The following FAM153A variants were observed in gnomAD, a reference collection of about 807,000 sequenced individuals.
The protein encoded by FAM153A is family with sequence similarity 153 member A, also known as protein FAM153A.
A neutral mutation model predicts 48.1 loss-of-function variants in FAM153A; 12 were observed. That is an observed-to-expected ratio of 0.25 (90% CI 0.16 to 0.40). The LOEUF (loss-of-function observed/expected upper bound fraction) is 0.40, where lower values mean the gene tolerates loss of function less well. Ranked by LOEUF, FAM153A falls within the 10% of genes least tolerant of loss-of-function variation. The probability of loss-of-function intolerance (pLI) is 1.00; values close to 1 mark genes in which losing one functional copy is unlikely to be tolerated. For synonymous variants in FAM153A, 36 were observed against 118.2 expected (o/e 0.30, Z 4.51); for missense variants, 111 against 345.8 (o/e 0.32, Z 5.38).
At chr5:177,752,932 C>CA (rs374466697) in intron 1 of FAM153A, among the ~76,000 whole-genome samples, 38,020 of 97,030 alleles carry the variant, frequency 0.39, 5,630 homozygotes, top group East Asian at 0.45. Context: ...TTCACTCTTC[C>CA]AAAAAAAAAA....
chr5:177,738,192 C>T (rs1386976581), intron 10 of FAM153A, among the ~76,000 whole-genome samples: 1 of 151,356 alleles, frequency 6.6e-6, no homozygotes, highest in Non-Finnish European at 1.5e-5. Flanking sequence ...CTTCGGTTCT[C>T]ATTTGGTGCT....
At chr5:177,733,344 G>A (rs929739254) in intron 14 of FAM153A, among the ~76,000 whole-genome samples, 2 of 144,300 alleles carry the variant, frequency 1.4e-5, no homozygotes, top group African/African-American at 5.1e-5. Flanking sequence ...TGCTAGGAAG[G>A]CAAGTGCTCG....
At chr5:177,738,886 C>T (rs1375788029) in intron 10 of FAM153A, among the ~76,000 whole-genome samples, 1 of 151,382 alleles carries the variant, frequency 6.6e-6, no homozygotes, top group Admixed American at 6.6e-5. Flanking sequence ...ACCCGCCCCC[C>T]ACCTTGATGC....
upstream of FAM153A, among the ~76,000 whole-genome samples, chr5:177,755,528 A>G (rs1251218303): frequency 1.3e-4 from 20 of 151,744 alleles, no homozygotes; most frequent in Non-Finnish European, 2.2e-4. Context: ...CAAGACACAT[A>G]ATTGTCAGAT....
At chr5:177,707,290 A>C (rs531148826), downstream of FAM153A, among the ~76,000 whole-genome samples, 24 of 152,062 alleles carry the variant, frequency 1.6e-4, 1 homozygote, top group Admixed American at 1.6e-3. Context: ...TAGGCCACAA[A>C]ACAAATCTCA....
At chr5:177,697,464 A>G in the FAM153A span, among the ~76,000 whole-genome samples, 1 of 151,490 alleles carries the variant, frequency 6.6e-6, no homozygotes, top group Non-Finnish European at 1.5e-5. Context: ...AATTGTCTGC[A>G]GACTGCACAG....
At chr5:177,703,217 C>T (rs1218905784), downstream of FAM153A, among the ~76,000 whole-genome samples, 4 of 152,036 alleles carry the variant, frequency 2.6e-5, no homozygotes, top group Admixed American at 6.5e-5. Context: ...TGGGAGTCCA[C>T]GCCTTCCATC....
At chr5:177,737,379 A>G (rs1764833939) in intron 10 of FAM153A, among the ~76,000 whole-genome samples, 1 of 151,328 alleles carries the variant, frequency 6.6e-6, no homozygotes, top group Admixed American at 6.6e-5. Context: ...CACACCACAC[A>G]GTGTTTCCCT....
At chr5:177,700,734 G>A in the FAM153A span, among the ~76,000 whole-genome samples, 220 of 151,866 alleles carry the variant, frequency 1.4e-3, 2 homozygotes, top group African/African-American at 1.8e-3. Context: ...CCCAGGAGGC[G>A]GAGGTTACAG....
upstream of FAM153A, among the ~76,000 whole-genome samples, chr5:177,753,591 G>A (rs1767331567): frequency 6.6e-6 from 1 of 150,614 alleles, no homozygotes; most frequent in Admixed American, 6.6e-5. Flanking sequence ...CAGGCTTGAT[G>A]TGAAATGCCT....
At chr5:177,711,108 C>G (rs1446523590) in exon 27 of FAM153A, 1 of 151,766 alleles carries the variant, frequency 6.6e-6, no homozygotes, top group Non-Finnish European at 1.5e-5. Flanking sequence ...AATAATATGA[C>G]ACATATGTGT....
chr5:177,745,687 A>G (rs1765860366), intron 4 of FAM153A, among the ~76,000 whole-genome samples: 1 of 133,182 alleles, frequency 7.5e-6, no homozygotes, highest in Admixed American at 7.8e-5. Flanking sequence ...TTGAGTCTTG[A>G]GATTTTATTG....
chr5:177,710,927 G>A (rs2127550892), downstream of FAM153A: 2 of 151,760 alleles, frequency 1.3e-5, no homozygotes, highest in Middle Eastern at 6.8e-3. Context: ...TGAAATTACA[G>A]GTGTGAGCCA....
At chr5:177,736,296 C>G (rs1299549646) in intron 12 of FAM153A, among the ~76,000 whole-genome samples, 2 of 147,858 alleles carry the variant, frequency 1.4e-5, no homozygotes, top group African/African-American at 5.1e-5. Flanking sequence ...ACACACACTC[C>G]CAAAGACATC....
the FAM153A span, among the ~76,000 whole-genome samples, chr5:177,699,849 T>G: frequency 4.0e-5 from 6 of 150,708 alleles, no homozygotes; most frequent in Non-Finnish European, 8.8e-5. Flanking sequence ...ACTTCCCAAC[T>G]CCTTCTATGA....
downstream of FAM153A, among the ~76,000 whole-genome samples, chr5:177,705,447 C>T (rs1430334204): frequency 6.6e-6 from 1 of 150,478 alleles, no homozygotes; most frequent in Non-Finnish European, 1.5e-5. Flanking sequence ...TGCTATGCTG[C>T]TTGTACAGAC....
chr5:177,719,301 G>A (rs1315216673), downstream of FAM153A, among the ~76,000 whole-genome samples: 1 of 150,012 alleles, frequency 6.7e-6, no homozygotes, highest in Non-Finnish European at 1.5e-5. Context: ...CGTTATCAAA[G>A]CTTAGGGTAG....
downstream of FAM153A, among the ~76,000 whole-genome samples, chr5:177,709,663 G>GT (rs1202003911): frequency 2.7e-3 from 347 of 129,734 alleles, 3 homozygotes; most frequent in African/African-American, 9.3e-3. Context: ...GCCCGGCTGG[G>GT]TTTTTTTTTT....
In FAM153A at chr5:177,759,109, G is replaced by A. The variant is rs562881066; in HGVS notation, c.-56-10410C>T. ...AGGGCTAATATCCAGAATCTACAAA[G>A]AACTCAAATTTACAAGAAAAAAACA... On this transcript the variant is annotated intron_variant, in intron 1 of 8. Transcript: ENST00000393518. 1.9e-3 allele frequency among the ~76,000 whole-genome samples: 288 copies of A among 151,788 alleles called. 2 individuals are homozygous for A. The highest frequency in any genetic ancestry group is 3.1e-3 in the Non-Finnish European group (209 of 67,988).
Sources: allele counts gnomAD v4.1 joint callset (sites outside exome capture counted in the v4.1 genomes callset), GRCh38; gene constraint gnomAD v4.1.1; transcripts MANE v1.5; gene names NCBI Gene and HGNC (gene_info 2026-07-23, HGNC 2026-07-21).